The following MPHOSPH8 variants were observed in gnomAD, a reference collection of about 807,000 sequenced individuals.
The protein encoded by MPHOSPH8 is M-phase phosphoprotein, mpp.
MPHOSPH8 carries 45 observed loss-of-function variants against 87.3 expected under a neutral mutation model. The ratio of observed to expected loss-of-function variants is 0.52; its 90% CI spans 0.41 to 0.66. MPHOSPH8 has a LOEUF of 0.66. Ranked by LOEUF, MPHOSPH8 falls within the 30% of genes least tolerant of loss-of-function variation. MPHOSPH8 has a pLI of 0.00. For synonymous variants in MPHOSPH8, 366 were observed against 376.9 expected, an observed-to-expected ratio of 0.97 and a Z score of 0.33; for missense variants, 883 against 1,020.2, an observed-to-expected ratio of 0.87 and a Z score of 1.83.
Position 19,662,559 on chromosome 13 carries a change from G to A in MPHOSPH8, c.1933-481G>A, listed in dbSNP as rs994961592. On this transcript the variant is annotated intron_variant, in intron 8 of 13. Coordinates refer to ENST00000361479, the MANE Select transcript of MPHOSPH8 (RefSeq NM_017520.4). ...CCAGCTGGAGTAACTTTTTAATTTTGTTTCAGTTGATCTGTGACATGTAAT... is the reference window on the plus strand; with the variant it reads ...CCAGCTGGAGTAACTTTTTAATTTTATTTCAGTTGATCTGTGACATGTAAT... Among the ~76,000 whole-genome samples the A allele has an allele frequency of 1.2e-4, 18 of 152,136 alleles. 1 individual carries two copies. Among genetic ancestry groups the A allele is most frequent in the Non-Finnish European group, 2.6e-4 (18 of 68,014 alleles).
intron 5 of MPHOSPH8, among the ~76,000 whole-genome samples, chr13:19,653,448 C>T (rs186575500): frequency 6.6e-6 from 1 of 152,192 alleles, no homozygotes. Flanking sequence ...GATAACTCCA[C>T]AAAGATGGGG....
In MPHOSPH8 at chr13:19,668,373, T is replaced by G. The variant is rs1565944501; in HGVS notation, c.2175-4T>G. ...CGTTAACACGTACTATTTTTTTTTC[T>G]TAGACTTTCAAGAGTAGCAGAAGAG... On this transcript the variant is annotated splice_region_variant and splice_polypyrimidine_tract_variant and intron_variant, in intron 10 of 13. Transcript: ENST00000361479. 6.2e-7 allele frequency: 1 copy of G among 1,611,338 alleles called. No homozygotes were observed.
chr13:19,670,143 C>T (rs1429077725), intron 11 of MPHOSPH8, 93 bp from the exon 12 acceptor site: 5 of 1,494,424 alleles, frequency 3.3e-6, no homozygotes, highest in East Asian at 2.3e-5. Context: ...TGACCAGGCC[C>T]AGCTCAGGGG....
rs1874335080 is a variant in MPHOSPH8 at position 19,642,261 on chromosome 13, G to A, written c.360G>A (p.Lys120=). 1.3e-6 allele frequency: 2 copies of A among 1,589,132 alleles called. No homozygotes were observed. Among genetic ancestry groups the A allele is most frequent in the African/African-American group, 2.7e-5 (2 of 73,206 alleles). ...AGAACAAAGCCAAAGCAGTCAGGAA[G>A]GATATTCAGGTACTATGTTTTGTCT... ...IAENKAKAVR[K]DIQRLSLNND... The change falls in exon 2 of 14, where the codon AAG becomes AAA. Residue 120 remains lysine, a synonymous_variant. Coordinates refer to ENST00000361479, the MANE Select transcript of MPHOSPH8 (RefSeq NM_017520.4).
intron 11 of MPHOSPH8, among the ~76,000 whole-genome samples, chr13:19,668,967 T>C (rs1875970769): frequency 1.3e-5 from 2 of 151,600 alleles, no homozygotes; most frequent in Admixed American, 6.6e-5. Context: ...CAGGCAGGGC[T>C]GCGGCTGGCC....
At chr13:19,661,673 T>G in intron 7 of MPHOSPH8, 25 bp from the exon 8 acceptor site, 1 of 1,566,976 alleles carries the variant, frequency 6.4e-7, no homozygotes, top group Non-Finnish European at 8.7e-7. Flanking sequence ...GATTAACACG[T>G]TTTTTATTTA....
chr13:19,651,514 G>A (rs1345401939), intron 5 of MPHOSPH8, among the ~76,000 whole-genome samples: 1 of 150,376 alleles, frequency 6.6e-6, no homozygotes, highest in Non-Finnish European at 1.5e-5. Context: ...GTGACACAGT[G>A]AGACTCCACC....
chr13:19,634,760 G>A (rs1447507723), intron 1 of MPHOSPH8, among the ~76,000 whole-genome samples: 1 of 152,162 alleles, frequency 6.6e-6, no homozygotes, highest in Non-Finnish European at 1.5e-5. Context: ...CCTGCTATAT[G>A]TGGTCTCCTT....
chr13:19,670,820 C>CTTTT (rs3052670), intron 12 of MPHOSPH8: 38 of 964,848 alleles, frequency 3.9e-5, no homozygotes, highest in East Asian at 2.3e-4. Flanking sequence ...AAATAAATCA[C>CTTTT]TTTTTTTTTT....
At chr13:19,666,029 G>A (rs767499086) in intron 9 of MPHOSPH8, among the ~76,000 whole-genome samples, 3 of 152,292 alleles carry the variant, frequency 2.0e-5, no homozygotes, top group East Asian at 1.9e-4. Flanking sequence ...GTATCTCTGC[G>A]CCTCGCTGAG....
At chr13:19,651,914 A>G (rs1479960987) in intron 5 of MPHOSPH8, among the ~76,000 whole-genome samples, 6 of 151,954 alleles carry the variant, frequency 3.9e-5, no homozygotes, top group Middle Eastern at 3.4e-3. Context: ...CCTGGACAAC[A>G]TGCTGAAACC....
rs776719535 is a variant in MPHOSPH8, at chr13:19,646,522, C to T, written c.449C>T (p.Pro150Leu). 9.6e-6 allele frequency: 15 copies of T among 1,570,030 alleles called. No homozygotes were observed. In the East Asian group the frequency reaches 3.4e-4, roughly 36 times the overall value. The change falls in exon 3 of 14, where the codon CCA becomes CTA. Residue 150 changes from proline to leucine, a missense_variant. By Grantham distance (98) the Pro-to-Leu change is moderately conservative. Around this residue, in one of 3 missense-constraint regions of MPHOSPH8, gnomAD observed 741 missense variants for 841.5 expected, o/e 0.88. Transcript: ENST00000361479. The stretch of plus-strand genomic sequence containing the variant: ...AGTGAGACAAAAGAAGATACTTCCC[C>T]AAAGAAGAAAAAGAAAAAATTGAGG... Reference protein sequence around the residue: ...QQSETKEDTSPKKKKKKLRQR... With the variant: ...QQSETKEDTSLKKKKKKLRQR...
intron 13 of MPHOSPH8, 97 bp downstream of exon 13, chr13:19,671,386 A>AAT: frequency 9.0e-7 from 1 of 1,107,450 alleles, no homozygotes; most frequent in South Asian, 1.3e-5. Context: ...ATCCTGGTGT[A>AAT]CCTGTCCTAG....
chr13:19,654,010 C>T (rs1427661228), intron 5 of MPHOSPH8, among the ~76,000 whole-genome samples: 2 of 152,116 alleles, frequency 1.3e-5, no homozygotes, highest in East Asian at 3.9e-4. Context: ...GAGAACCTCC[C>T]CAACCTAGCA....
intron 2 of MPHOSPH8, among the ~76,000 whole-genome samples, chr13:19,643,016 C>G (rs1874378589): frequency 6.6e-6 from 1 of 152,176 alleles, no homozygotes; most frequent in South Asian, 2.1e-4. Context: ...AAGATGACCA[C>G]TGGTCTGTCA....
intron 5 of MPHOSPH8, among the ~76,000 whole-genome samples, chr13:19,656,629 A>G (rs901109323): frequency 2.0e-5 from 3 of 151,392 alleles, no homozygotes; most frequent in Admixed American, 6.6e-5. Context: ...GCGTGGTGGC[A>G]CATGTCTGTA....
chr13:19,646,329 T>G (rs562714393), intron 2 of MPHOSPH8, 114 bp from the exon 3 acceptor site: 3 of 927,674 alleles, frequency 3.2e-6, no homozygotes, highest in Non-Finnish European at 4.4e-6. Flanking sequence ...TTTTAAGAAG[T>G]TGAGATTCTG....
At chr13:19,656,511 G>A (rs1358111896) in intron 5 of MPHOSPH8, among the ~76,000 whole-genome samples, 1 of 152,104 alleles carries the variant, frequency 6.6e-6, no homozygotes, top group Admixed American at 6.5e-5. Flanking sequence ...TATAATCCCA[G>A]CACCTTGGGA....
Position 19,672,054 on chromosome 13 carries a change from C to T in MPHOSPH8, c.*179C>T, listed in dbSNP as rs936796290. 10 of 627,600 alleles carry T rather than the reference C, an allele frequency of 1.6e-5. No individual in the cohort carries two copies. Among genetic ancestry groups the T allele is most frequent in the East Asian group, 2.7e-5 (1 of 36,566 alleles). 38.9% of individuals were successfully genotyped at this position (627,600 alleles called of 1,614,324 possible). ...CATAGCTGTGTCTGTGCCAGTATGC[C>T]GGAATCTCAGTGCAGTGTCCAGACT... is the stretch of plus-strand genomic sequence containing the variant. On this transcript the variant is annotated 3_prime_UTR_variant, in exon 14 of 14. Transcript: ENST00000361479.
Sources: allele counts gnomAD v4.1 joint callset (sites outside exome capture counted in the v4.1 genomes callset), GRCh38; gene constraint gnomAD v4.1.1; regional missense constraint gnomAD v4.1.1; transcripts MANE v1.5; gene names NCBI Gene and HGNC (gene_info 2026-07-23, HGNC 2026-07-21).